The following ADAMTSL2 variants were observed in gnomAD, a reference collection of about 807,000 sequenced individuals.
ADAMTSL2 encodes the protein ADAMTS-like protein 2.
In ADAMTSL2, 55 loss-of-function variants were observed where a neutral mutation model predicts 117.0. That is an observed-to-expected ratio of 0.47 (90% confidence interval 0.38 to 0.59). The LOEUF is 0.59. Among genes scored for constraint, ADAMTSL2 ranks in the 20% least tolerant of loss-of-function variants. The probability of loss-of-function intolerance (pLI) is 0.00; values close to 1 mark genes in which losing one functional copy is unlikely to be tolerated. For missense variants in ADAMTSL2, 1,182 were observed against 1,354.5 expected (o/e 0.87, Z 2.00); for synonymous variants, 572 against 566.4 (o/e 1.01, Z -0.14).
At position 133,544,463 on chromosome 9, in the gene ADAMTSL2, C is replaced by T. The variant is rs766430069; in HGVS notation, c.683-7C>T. 6.2e-7 allele frequency: 1 copy of T among 1,612,696 alleles called. No individual in the cohort carries two copies. The highest frequency in any genetic ancestry group is 1.7e-5 in the Admixed American group (1 of 60,030). Reference sequence around the variant, plus strand: ...AGAGGGGCTCACTGTCATCCTTTTGCCTCCAGGTTACTCTCTGGTGACCCA... The same window carrying T: ...AGAGGGGCTCACTGTCATCCTTTTGTCTCCAGGTTACTCTCTGGTGACCCA... On this transcript the variant is annotated splice_region_variant and splice_polypyrimidine_tract_variant and intron_variant, in intron 7 of 18. Transcript: ENST00000651351.
rs1588309064 is a variant in ADAMTSL2, at chr9:133,568,307, A to C, written c.1909A>C (p.Thr637Pro). The C allele has an allele frequency of 6.3e-7, 1 of 1,577,362 alleles. No homozygotes were observed. The highest frequency in any genetic ancestry group is 8.6e-7 in the Non-Finnish European group (1 of 1,162,678). Residue 637 changes from threonine (T) to proline (P), a missense_variant, in exon 14 of 19, where the codon ACC (threonine) becomes CCC (proline). Transcript: ENST00000651351. ...ETSSWSECSR[T>P]CGEGYQFRVV... Reference sequence around the variant, plus strand: ...GAGCAGCTGGAGCGAGTGTTCGCGCACCTGCGGAGAGGGCTACCAGTTCCG... The same window carrying C: ...GAGCAGCTGGAGCGAGTGTTCGCGCCCCTGCGGAGAGGGCTACCAGTTCCG...
Position 133,558,831 on chromosome 9 carries a change from G to C in ADAMTSL2, c.1650-2367G>C, listed in dbSNP as rs1451677412. On this transcript the variant is annotated intron_variant, in intron 11 of 18. Transcript: ENST00000651351. This position sits in a 1 kb window ranked among gnomAD's most constrained non-coding sequence, Gnocchi z 4.3. ...CTTCCCTGTGCTACTTCCAAGAACG[G>C]AACCTGCTAGGCGTTGCATTGTTGT... 1.3e-5 allele frequency among the ~76,000 whole-genome samples: 2 copies of C among 152,240 alleles called. No individual in the cohort carries two copies. The highest frequency in any genetic ancestry group is 2.9e-5 in the Non-Finnish European group (2 of 68,036).
intron 17 of ADAMTSL2, among the ~76,000 whole-genome samples, chr9:133,571,932 G>A (rs1831114767): frequency 6.6e-6 from 1 of 152,216 alleles, no homozygotes. Context: ...CGTTCATGGT[G>A]AAGTGCCCAG....
chr9:133,563,585 G>A (rs1196296281), intron 12 of ADAMTSL2, among the ~76,000 whole-genome samples: 8 of 152,142 alleles, frequency 5.3e-5, no homozygotes, highest in African/African-American at 1.2e-4. Flanking sequence ...GCAGCCCTGC[G>A]TGGAAGATGT....
chr9:133,564,397 GGAGA>G lies in ADAMTSL2; in HGVS notation c.1748-2531_1748-2528del, dbSNP rs1564178443. 4.3e-3 allele frequency among the ~76,000 whole-genome samples: 25 copies of G among 5,818 alleles called. 1 individual carries two copies. The highest frequency in any genetic ancestry group is 0.023 in the East Asian group (2 of 86). 3.8% of individuals were successfully genotyped at this position (5,818 alleles called of 152,430 possible). ...GAGGGAGAGAGAGGGAGAGAGAGAGGGAGAGAGAGAGGGAGAGAGAGAGGGAGAG... is the reference window on the plus strand; with the variant it reads ...GAGGGAGAGAGAGGGAGAGAGAGAGGGAGAGAGGGAGAGAGAGAGGGAGAG... On this transcript the variant is annotated intron_variant, in intron 12 of 18. Coordinates refer to ENST00000651351, the MANE Select transcript of ADAMTSL2 (RefSeq NM_014694.4).
chr9:133,550,302 C>T (rs537037944), intron 9 of ADAMTSL2, among the ~76,000 whole-genome samples: 5 of 152,372 alleles, frequency 3.3e-5, no homozygotes, highest in African/African-American at 1.2e-4. Flanking sequence ...CCCATCCTCA[C>T]GGGCGTGCTG....
intron 17 of ADAMTSL2, among the ~76,000 whole-genome samples, chr9:133,571,482 A>G (rs1278796955): frequency 1.3e-5 from 2 of 152,318 alleles, no homozygotes; most frequent in Admixed American, 6.5e-5. Context: ...GTTGTCTTGC[A>G]GAGCAAACAG....
In ADAMTSL2 at chr9:133,554,251, C is replaced by A; in HGVS notation, c.940-106C>A. ...GTCATTCCCTGAGGGGGCTCAACTG[C>A]CAGTCACAGCAGGGAACGCACCCTG... On this transcript the variant is annotated intron_variant, in intron 9 of 18. Coordinates refer to ENST00000651351, the MANE Select transcript of ADAMTSL2 (RefSeq NM_014694.4). The surrounding 1 kb of genome is among the most constrained non-coding windows in gnomAD (Gnocchi z 5.2). The A allele has an allele frequency of 9.6e-7, 1 of 1,046,758 alleles. No homozygotes were observed. The highest frequency in any genetic ancestry group is 1.4e-6 in the Non-Finnish European group (1 of 730,452). The allele number at this position is 1,046,758 out of a possible 1,614,324, so 64.8% of individuals were successfully genotyped here.
At chr9:133,545,743 G>A (rs570113926) in intron 8 of ADAMTSL2, among the ~76,000 whole-genome samples, 11 of 152,274 alleles carry the variant, frequency 7.2e-5, no homozygotes, top group East Asian at 3.9e-4. Context: ...GGGTGGGCTC[G>A]GAGCACTGGG....
At chr9:133,550,031 T>C (rs1830446597) in intron 9 of ADAMTSL2, among the ~76,000 whole-genome samples, 1 of 152,232 alleles carries the variant, frequency 6.6e-6, no homozygotes, top group Admixed American at 6.5e-5. Flanking sequence ...GAGACAGCTG[T>C]GTCAGCAAGG....
chr9:133,539,600 G>T (rs951646745), intron 4 of ADAMTSL2, among the ~76,000 whole-genome samples, 171 bp from the exon 5 acceptor site: 5 of 109,522 alleles, frequency 4.6e-5, no homozygotes, highest in African/African-American at 1.3e-4. Flanking sequence ...TCCTGAGAGC[G>T]CATGGGAGCG....
At chr9:133,532,885 C>T (rs1025091861), upstream of ADAMTSL2, among the ~76,000 whole-genome samples, 2 of 152,312 alleles carry the variant, frequency 1.3e-5, no homozygotes, top group Middle Eastern at 3.4e-3. Context: ...CCCACAGACC[C>T]GTCTCCCAGG....
chr9:133,565,409 C>T (rs1413209533), intron 12 of ADAMTSL2, among the ~76,000 whole-genome samples: 4 of 152,118 alleles, frequency 2.6e-5, no homozygotes, highest in East Asian at 1.9e-4. Context: ...TGACGAGGAG[C>T]GAATGAATAA....
At position 133,536,717 on chromosome 9, in the gene ADAMTSL2, A is replaced by G. The variant is rs763424274; in HGVS notation, c.5A>G (p.Asp2Gly). The part of the protein sequence containing the change: M[D>G]GRWQCSCWAW... Reference sequence around the variant, plus strand: ...ACAGTGGCCTTGCTTCCTAGGATGGATGGCAGATGGCAATGTTCCTGCTGG... The same window carrying G: ...ACAGTGGCCTTGCTTCCTAGGATGGGTGGCAGATGGCAATGTTCCTGCTGG... The change falls in exon 2 of 19, where the codon GAT becomes GGT. Residue 2 changes from aspartate (D) to glycine (G), a missense_variant. This residue lies in a region of ADAMTSL2 where 372 missense variants were observed against 463.4 expected (regional missense o/e 0.80). Coordinates refer to ENST00000651351, the MANE Select transcript of ADAMTSL2 (RefSeq NM_014694.4). 1 of 1,614,178 alleles carries G rather than the reference A, an allele frequency of 6.2e-7. No individual in the cohort carries two copies. Among genetic ancestry groups the G allele is most frequent in the South Asian group, 1.1e-5 (1 of 91,084 alleles).
intron 12 of ADAMTSL2, among the ~76,000 whole-genome samples, chr9:133,563,631 A>G (rs1464218849): frequency 6.6e-6 from 1 of 152,104 alleles, no homozygotes; most frequent in Non-Finnish European, 1.5e-5. Context: ...CCCAACACCC[A>G]GAGAATGGCA....
At chr9:133,540,500 T>C in intron 5 of ADAMTSL2, 98 bp from the exon 6 acceptor site, 3 of 1,484,768 alleles carry the variant, frequency 2.0e-6, no homozygotes, top group East Asian at 2.4e-5. Flanking sequence ...GCCCCATCTA[T>C]GCAATGGGAG....
Position 133,549,283 on chromosome 9 carries a change from C to T in ADAMTSL2, c.939+2070C>T, listed in dbSNP as rs1830428038. Among the ~76,000 whole-genome samples the T allele has an allele frequency of 3.8e-4, 2 of 5,278 alleles. 1 individual carries two copies. The highest frequency in any genetic ancestry group is 4.3e-3 in the Non-Finnish European group (2 of 466). The allele number at this position is 5,278 out of a possible 152,430, so 3.5% of individuals were successfully genotyped here. A position where few individuals can be genotyped will look rare whatever the true frequency, so the allele number is the denominator to read the frequency against. On this transcript the variant is annotated intron_variant, in intron 9 of 18. Coordinates refer to ENST00000651351, the MANE Select transcript of ADAMTSL2 (RefSeq NM_014694.4). ...CCTCCCAAAGTGCTGGGATTACAGG[C>T]GTGAGCCACCGCGCCCGGCCCACAG...
rs965162793 is a variant in ADAMTSL2 at position 133,554,642 on chromosome 9, C to A, written c.1225C>A (p.Gln409Lys). The A allele has an allele frequency of 3.3e-5, 50 of 1,537,564 alleles. No homozygotes were observed. Among genetic ancestry groups the A allele is most frequent in the Non-Finnish European group, 4.3e-5 (49 of 1,138,042 alleles). ...CCAGGAGACCAACGAGGTGTGCGAGCAGGCCGGCGGCGGGGCCTGCGAGGG... is the reference window on the plus strand; with the variant it reads ...CCAGGAGACCAACGAGGTGTGCGAGAAGGCCGGCGGCGGGGCCTGCGAGGG... The part of the protein sequence containing the change: ...QGQETNEVCE[Q>K]AGGGACEGPP... The change falls in exon 10 of 19, where the codon CAG becomes AAG. Residue 409 changes from glutamine (Q) to lysine (K), a missense_variant. Transcript: ENST00000651351. This position sits in a 1 kb window ranked among gnomAD's most constrained non-coding sequence, Gnocchi z 5.2.
chr9:133,537,834 A>C lies in ADAMTSL2; in HGVS notation c.233+287A>C, dbSNP rs28714494. The stretch of plus-strand genomic sequence containing the variant: ...GTCCTGGAGGCGGAGAACCACCCTG[A>C]CTTCTCTTCTGAAGACCTGAGTGAG... On this transcript the variant is annotated intron_variant, in intron 3 of 18. Transcript: ENST00000651351. Among the ~76,000 whole-genome samples, 370 of 152,298 alleles carry C rather than the reference A, an allele frequency of 2.4e-3. 5 individuals carry two copies. The highest frequency in any genetic ancestry group is 8.6e-3 in the African/African-American group (359 of 41,564).
Sources: gnomAD v4.1 joint callset for allele counts (sites outside exome capture counted in the v4.1 genomes callset) on GRCh38, gnomAD v4.1.1 for gene constraint, gnomAD v4.1.1 regional missense constraint, Gnocchi (gnomAD v3.1) non-coding constraint, MANE v1.5 for transcripts, NCBI Gene and HGNC (gene_info 2026-07-23, HGNC 2026-07-21) for gene names.